The following TDO2 variants were observed in gnomAD, a reference collection of about 807,000 sequenced individuals.
The protein encoded by TDO2 is tryptamin 2,3-dioxygenase.
Under a neutral mutation model 61.2 loss-of-function variants are expected in TDO2, and 63 were observed. The ratio of observed to expected loss-of-function variants is 1.03; its 90% CI spans 0.84 to 1.27. The LOEUF is 1.27. Ranked by LOEUF, TDO2 falls within the 50% of genes most tolerant of loss-of-function variation. TDO2 has a pLI of 0.00. For synonymous variants in TDO2, 183 were observed against 164.0 expected (o/e 1.12, Z -0.89); for missense variants, 494 against 469.5 (o/e 1.05, Z -0.48).
chr4:155,918,761 C>T (rs1177265776), intron 11 of TDO2: 1 of 152,902 alleles, frequency 6.5e-6, no homozygotes, highest in Non-Finnish European at 1.5e-5. Context: ...AGAGAGGTTT[C>T]TAAGGGATGT....
chr4:155,908,993 C>A lies in TDO2; in HGVS notation c.410C>A (p.Ala137Asp). The change falls in exon 5 of 12, where the codon GCC (alanine) becomes GAC (aspartate). Residue 137 changes from alanine (A) to aspartate (D), a missense_variant. Coordinates refer to ENST00000536354, the MANE Select transcript of TDO2 (RefSeq NM_005651.4). ...QQFSILETMT[A>D]LDFNDFREYL... Reference sequence around the variant, plus strand: ...TTTTCCATTCTGGAGACGATGACAGCCTTGGACTTCAATGACTTCAGGTGT... The same window carrying A: ...TTTTCCATTCTGGAGACGATGACAGACTTGGACTTCAATGACTTCAGGTGT... 1 of 1,611,262 alleles carries A rather than the reference C, an allele frequency of 6.2e-7. No homozygotes were observed. The highest frequency in any genetic ancestry group is 1.1e-5 in the South Asian group (1 of 90,542).
intron 9 of TDO2, among the ~76,000 whole-genome samples, chr4:155,917,177 C>T (rs951216747): frequency 1.3e-5 from 2 of 152,094 alleles, no homozygotes; most frequent in Non-Finnish European, 2.9e-5. Flanking sequence ...ATTACATGGA[C>T]TTTTCTAGGC....
intron 2 of TDO2, 144 bp from the exon 3 acceptor site, chr4:155,904,923 T>A: frequency 1.7e-6 from 1 of 573,700 alleles, no homozygotes; most frequent in South Asian, 2.5e-5. Flanking sequence ...ATGAGATTCG[T>A]CCATTGTTTA....
Position 155,918,135 on chromosome 4 carries a change from G to T in TDO2, c.977-14G>T, listed in dbSNP as rs1359952547. 1 of 1,611,246 alleles carries T rather than the reference G, an allele frequency of 6.2e-7. No homozygotes were observed. Among genetic ancestry groups the T allele is most frequent in the East Asian group, 2.2e-5 (1 of 44,814 alleles). On this transcript the variant is annotated splice_polypyrimidine_tract_variant and intron_variant, in intron 10 of 11. Coordinates refer to ENST00000536354, the MANE Select transcript of TDO2 (RefSeq NM_005651.4). ...GGAAAAATATCCATGGAGTAAATTT[G>T]TATGTTTGCCTAGATAACCATGTGT...
At position 155,910,054 on chromosome 4, in the gene TDO2, A is replaced by G; in HGVS notation, c.461A>G (p.Gln154Arg). 1.9e-6 allele frequency: 3 copies of G among 1,581,098 alleles called. No homozygotes were observed. Among genetic ancestry groups the G allele is most frequent in the East Asian group, 2.4e-5 (1 of 41,026 alleles). The change falls in exon 6 of 12, where the codon CAG becomes CGG. Residue 154 changes from glutamine to arginine, a missense_variant. Transcript: ENST00000536354. ...TACTTATCTCCAGCATCAGGCTTCC[A>G]GAGTTTGCAATTCCGACTATTAGAA... is the stretch of plus-strand genomic sequence containing the variant. ...REYLSPASGF[Q>R]SLQFRLLENK...
At chr4:155,919,552 A>G (rs561446360) in intron 11 of TDO2, among the ~76,000 whole-genome samples, 1 of 152,240 alleles carries the variant, frequency 6.6e-6, no homozygotes, top group East Asian at 1.9e-4. Flanking sequence ...CTTTATCTTT[A>G]TGAAGGTGTC....
intron 8 of TDO2, among the ~76,000 whole-genome samples, chr4:155,915,433 T>G (rs1016584659): frequency 6.6e-6 from 1 of 152,184 alleles, no homozygotes; most frequent in African/African-American, 2.4e-5. Flanking sequence ...TACATAATTG[T>G]GCTCATTAAA....
chr4:155,904,002 T>A lies in TDO2; in HGVS notation c.36-16T>A. On this transcript the variant is annotated splice_polypyrimidine_tract_variant and intron_variant, in intron 1 of 11. Coordinates refer to ENST00000536354, the MANE Select transcript of TDO2 (RefSeq NM_005651.4). ...CTAAAGCACTATTTTTCCCTCTTGA[T>A]TTATTAAATTTGCAGATATACTTTT... The A allele has an allele frequency of 6.2e-7, 1 of 1,606,834 alleles. No homozygotes were observed. The highest frequency in any genetic ancestry group is 8.5e-7 in the Non-Finnish European group (1 of 1,173,986).
chr4:155,903,884 A>G (rs1742670298), intron 1 of TDO2, 91 bp downstream of exon 1: 1 of 1,551,210 alleles, frequency 6.4e-7, no homozygotes, highest in South Asian at 1.1e-5. Context: ...AGCATTGAAA[A>G]CTGTCACCTT....
intron 6 of TDO2, among the ~76,000 whole-genome samples, 160 bp from the exon 7 acceptor site, chr4:155,911,337 G>T (rs1205720174): frequency 6.6e-6 from 1 of 151,804 alleles, no homozygotes. Flanking sequence ...TTTCATAAAT[G>T]AAGAAATTGA....
In TDO2 at chr4:155,907,671, G is replaced by A. The variant is rs766247495; in HGVS notation, c.233-51G>A. Reference sequence around the variant, plus strand: ...TAAACATATCTTTCATATAATAATGGCCAAAAAGGCTCCCATAACTTTCCA... The same window carrying A: ...TAAACATATCTTTCATATAATAATGACCAAAAAGGCTCCCATAACTTTCCA... On this transcript the variant is annotated intron_variant, in intron 3 of 11. Transcript: ENST00000536354. The A allele has an allele frequency of 1.4e-5, 17 of 1,214,030 alleles. No homozygotes were observed. The South Asian group carries it at 2.1e-4, about 15-fold the overall frequency. The allele number at this position is 1,214,030 out of a possible 1,614,324, so 75.2% of individuals were successfully genotyped here.
At chr4:155,914,294 G>A (rs1363964444) in intron 7 of TDO2, 29 bp from the exon 8 acceptor site, 1 of 1,526,066 alleles carries the variant, frequency 6.6e-7, no homozygotes, top group Non-Finnish European at 8.9e-7. Context: ...TTCTCTCTCA[G>A]GACTATTAAT....
chr4:155,910,624 G>C (rs1008416212), intron 6 of TDO2, among the ~76,000 whole-genome samples: 1 of 152,026 alleles, frequency 6.6e-6, no homozygotes, highest in Non-Finnish European at 1.5e-5. Flanking sequence ...AAATTACTAA[G>C]AATATACACC....
chr4:155,911,618 A>G lies in TDO2; in HGVS notation c.726+14A>G, dbSNP rs1742832835. 1 of 1,461,636 alleles carries G rather than the reference A, an allele frequency of 6.8e-7. No homozygotes were observed. Among genetic ancestry groups the G allele is most frequent in the Middle Eastern group, 1.8e-4 (1 of 5,590 alleles). The allele number at this position is 1,461,636 out of a possible 1,614,324, so 90.5% of individuals were successfully genotyped here. A position where few individuals can be genotyped will look rare whatever the true frequency, so the allele number is the denominator to read the frequency against. On this transcript the variant is annotated intron_variant, in intron 7 of 11. Transcript: ENST00000536354. ...ATAAGGATTCAGGTATTTAGATGAC[A>G]TGAGTTAATATAAATTCAATACAGA... is the stretch of plus-strand genomic sequence containing the variant.
chr4:155,913,898 A>T lies in TDO2; in HGVS notation c.727-425A>T, dbSNP rs377041195. On this transcript the variant is annotated intron_variant, in intron 7 of 11. Coordinates refer to ENST00000536354, the MANE Select transcript of TDO2 (RefSeq NM_005651.4). ...TAAGAAATTGTATTTACAGAATTCA[A>T]CACTGAATATAGAACATAGAATTTC... 5.9e-5 allele frequency among the ~76,000 whole-genome samples: 9 copies of T among 152,296 alleles called. No individual in the cohort carries two copies. The East Asian group carries it at 1.5e-3, about 26-fold the overall frequency.
At chr4:155,917,195 A>G (rs186495660) in intron 9 of TDO2, among the ~76,000 whole-genome samples, 200 bp from the exon 10 acceptor site, 38 of 152,292 alleles carry the variant, frequency 2.5e-4, no homozygotes, top group African/African-American at 8.2e-4. Flanking sequence ...GGCTTCAAAC[A>G]AACACTGCAA....
At chr4:155,906,803 C>T (rs1355882291) in intron 3 of TDO2, 2 of 152,096 alleles carry the variant, frequency 1.3e-5, no homozygotes, top group African/African-American at 4.8e-5. Context: ...GGTTTTGAAT[C>T]ATAGGTTTCC....
At chr4:155,907,465 G>C in intron 3 of TDO2, 1 of 384,376 alleles carries the variant, frequency 2.6e-6, no homozygotes, top group Non-Finnish European at 4.6e-6. Context: ...TGCATTTGTT[G>C]AGAGGAATTA....
In TDO2 at chr4:155,918,110, G is replaced by A. The variant is rs372575283; in HGVS notation, c.977-39G>A. 1,013 of 1,588,300 alleles carry A rather than the reference G, an allele frequency of 6.4e-4. 8 individuals are homozygous for A. In the Middle Eastern group the frequency reaches 7.5e-3, roughly 12 times the overall value. On this transcript the variant is annotated intron_variant, in intron 10 of 11. Transcript: ENST00000536354. ...GTTAGAACATTGTGGAACTAATGGT[G>A]GAAAAATATCCATGGAGTAAATTTG...
Sources: allele counts gnomAD v4.1 joint callset (sites outside exome capture counted in the v4.1 genomes callset), GRCh38; gene constraint gnomAD v4.1.1; transcripts MANE v1.5; gene names NCBI Gene and HGNC (gene_info 2026-07-23, HGNC 2026-07-21).